PAK5: variants seen among roughly 807,000 people sequenced by gnomAD.
PAK5 encodes the protein p21 (RAC1) activated kinase 5.
Under a neutral mutation model 65.9 loss-of-function variants are expected in PAK5, and 16 were observed. That is an observed-to-expected ratio of 0.24 (90% CI 0.16 to 0.37). The LOEUF (loss-of-function observed/expected upper bound fraction) is 0.37, where lower values mean the gene tolerates loss of function less well. Ranked by LOEUF, PAK5 falls within the 10% of genes least tolerant of loss-of-function variation. PAK5 has a pLI of 1.00. For synonymous variants in PAK5, 371 were observed against 354.9 expected (o/e 1.05, Z -0.51); for missense variants, 785 against 903.9 (o/e 0.87, Z 1.69).
intron 1 of PAK5, among the ~76,000 whole-genome samples, chr20:9,731,338 C>G (rs530055484): frequency 3.9e-5 from 6 of 152,070 alleles, no homozygotes; most frequent in South Asian, 4.2e-4. Flanking sequence ...AAAATATAAC[C>G]AAAATATCAC....
intron 3 of PAK5, among the ~76,000 whole-genome samples, chr20:9,598,417 C>T (rs1468119580): frequency 6.6e-6 from 1 of 152,160 alleles, no homozygotes; most frequent in Non-Finnish European, 1.5e-5. Context: ...CTGTAAGAAA[C>T]ATATACATAC....
intron 3 of PAK5, among the ~76,000 whole-genome samples, chr20:9,625,332 T>A (rs2046828955): frequency 6.6e-6 from 1 of 152,188 alleles, no homozygotes; most frequent in African/African-American, 2.4e-5. Flanking sequence ...AATGGAAGAA[T>A]AATCCATTGA....
At chr20:9,718,901 A>G (rs1377233912) in intron 1 of PAK5, among the ~76,000 whole-genome samples, 1 of 152,146 alleles carries the variant, frequency 6.6e-6, no homozygotes, top group Non-Finnish European at 1.5e-5. Flanking sequence ...ACCGGGTTTG[A>G]CAGTGTAAAA....
intron 2 of PAK5, among the ~76,000 whole-genome samples, chr20:9,693,779 A>AT (rs2047829958): frequency 6.6e-6 from 1 of 152,186 alleles, no homozygotes; most frequent in South Asian, 2.1e-4. Flanking sequence ...AGTAAGGAAT[A>AT]TAACCATGCA....
At chr20:9,670,392 T>C (rs1020889461) in intron 2 of PAK5, among the ~76,000 whole-genome samples, 6 of 152,138 alleles carry the variant, frequency 3.9e-5, no homozygotes, top group African/African-American at 1.2e-4. Flanking sequence ...CCACCAACAG[T>C]GTAAAAGTGT....
intron 2 of PAK5, among the ~76,000 whole-genome samples, chr20:9,678,670 C>T (rs2047608366): frequency 6.6e-6 from 1 of 151,964 alleles, no homozygotes; most frequent in Admixed American, 6.6e-5. Context: ...CCTCAGGAAA[C>T]TCACAATTAT....
In PAK5 at chr20:9,690,750, CTTTTTTTTTTT is replaced by C. The variant is rs112955560; in HGVS notation, c.-12+20525_-12+20535del. Among the ~76,000 whole-genome samples, 99 of 103,950 alleles carry C rather than the reference CTTTTTTTTTTT, an allele frequency of 9.5e-4. 4 individuals carry two copies. In the South Asian group the frequency reaches 0.028, roughly 29 times the overall value. 68.2% of individuals were successfully genotyped at this position (103,950 alleles called of 152,430 possible). ...TCAGCATTTCTTTCTTTCTTTCTTT[CTTTTTTTTTTT>C]TTTTTTTTTTGAGAAGGAGTTTCAC... On this transcript the variant is annotated intron_variant, in intron 2 of 9. Coordinates refer to ENST00000353224, the MANE Select transcript of PAK5 (RefSeq NM_177990.4).
chr20:9,544,969 T>C (rs532172934), intron 7 of PAK5, among the ~76,000 whole-genome samples: 1 of 152,310 alleles, frequency 6.6e-6, no homozygotes, highest in Non-Finnish European at 1.5e-5. Flanking sequence ...CAAAGAACCA[T>C]CTCTTTTCTA....
At chr20:9,714,428 C>G (rs6056819) in intron 1 of PAK5, among the ~76,000 whole-genome samples, 101,686 of 151,290 alleles carry the variant, frequency 0.67, 34,381 homozygotes, top group East Asian at 0.85. Flanking sequence ...AAAAATGCAA[C>G]TACTCTGTGA....
At chr20:9,787,650 TGTGTG>T (rs2049006742) in intron 1 of PAK5, among the ~76,000 whole-genome samples, 1 of 151,594 alleles carries the variant, frequency 6.6e-6, no homozygotes, top group East Asian at 1.9e-4. Context: ...TGTGTGTGTG[TGTGTG>T]TATGTGTATA....
At chr20:9,809,266 C>G (rs1569097013) in intron 1 of PAK5, among the ~76,000 whole-genome samples, 1 of 151,684 alleles carries the variant, frequency 6.6e-6, no homozygotes, top group African/African-American at 2.4e-5. Flanking sequence ...GGAAAGGTAA[C>G]TTGACCCTGC....
chr20:9,808,569 G>A (rs1049646892), intron 1 of PAK5, among the ~76,000 whole-genome samples: 1 of 152,204 alleles, frequency 6.6e-6, no homozygotes, highest in Non-Finnish European at 1.5e-5. Context: ...ACTGATCCAT[G>A]CTAGAACATG....
intron 1 of PAK5, among the ~76,000 whole-genome samples, chr20:9,779,408 C>T (rs1157702396): frequency 6.6e-6 from 1 of 150,824 alleles, no homozygotes; most frequent in Middle Eastern, 3.2e-3. Context: ...AAAATTATGA[C>T]AGTACATTCT....
At chr20:9,759,082 A>G (rs16996384) in intron 1 of PAK5, among the ~76,000 whole-genome samples, 28,639 of 152,126 alleles carry the variant, frequency 0.19, 3,072 homozygotes, top group East Asian at 0.29. Context: ...TGAGAAAGCA[A>G]GCAAGCATTC....
At chr20:9,621,405 TA>T (rs33927046) in intron 3 of PAK5, among the ~76,000 whole-genome samples, 313 of 118,132 alleles carry the variant, frequency 2.6e-3, no homozygotes, top group African/African-American at 9.4e-3. Flanking sequence ...CAGGACTGAT[TA>T]AAAAAAAAAA....
intron 1 of PAK5, among the ~76,000 whole-genome samples, chr20:9,712,882 G>T (rs953630829): frequency 2.0e-5 from 3 of 152,042 alleles, no homozygotes; most frequent in African/African-American, 7.2e-5. Context: ...ATTGATTAAA[G>T]ACTTAAATGT....
intron 3 of PAK5, among the ~76,000 whole-genome samples, chr20:9,640,308 G>C (rs549986962): frequency 6.7e-6 from 1 of 148,342 alleles, no homozygotes; most frequent in Admixed American, 6.9e-5. Flanking sequence ...GAGAACATTC[G>C]GTGTTTGGTT....
chr20:9,652,329 C>T (rs975728685), intron 2 of PAK5, among the ~76,000 whole-genome samples: 9 of 152,146 alleles, frequency 5.9e-5, no homozygotes, highest in African/African-American at 2.2e-4. Flanking sequence ...TTTAGCTATG[C>T]TGATTTTAGG....
rs191629202 is a variant in PAK5, at chr20:9,751,018, A to G, written c.-161-39583T>C. ...TCTCCCAAAACAAGTTCTCCCAGCT[A>G]GAAAAGAGATTGTAGATATTTGGTA... On this transcript the variant is annotated intron_variant, in intron 1 of 9. Coordinates refer to ENST00000353224, the MANE Select transcript of PAK5 (RefSeq NM_177990.4). Among the ~76,000 whole-genome samples, 270 of 152,296 alleles carry G rather than the reference A, an allele frequency of 1.8e-3. 1 individual carries two copies. The highest frequency in any genetic ancestry group is 6.1e-3 in the African/African-American group (253 of 41,572).
Sources: gnomAD v4.1 joint callset for allele counts (sites outside exome capture counted in the v4.1 genomes callset) on GRCh38, gnomAD v4.1.1 for gene constraint, MANE v1.5 for transcripts, NCBI Gene and HGNC (gene_info 2026-07-23, HGNC 2026-07-21) for gene names.